ATP8B1: variants seen among roughly 807,000 people sequenced by gnomAD.
The protein encoded by ATP8B1 is ATPase phospholipid transporting 8B1.
In ATP8B1, 80 loss-of-function variants were observed where a neutral mutation model predicts 149.9. The observed-to-expected ratio is 0.53, with a 90% CI of 0.45 to 0.64. The LOEUF (loss-of-function observed/expected upper bound fraction) is 0.64. Among genes scored for constraint, ATP8B1 ranks in the 30% least tolerant of loss-of-function variants. The pLI, the probability that ATP8B1 is intolerant of heterozygous loss-of-function variation, is 0.00. For synonymous variants in ATP8B1, 536 were observed against 562.8 expected (o/e 0.95, Z 0.67); for missense variants, 1,247 against 1,552.6 (o/e 0.80, Z 3.31).
In ATP8B1 at chr18:57,697,702, A is replaced by C. The variant is rs1352588049; in HGVS notation, c.628-14T>G. On this transcript the variant is annotated splice_polypyrimidine_tract_variant and intron_variant, in intron 7 of 27. Coordinates refer to ENST00000648908, the MANE Select transcript of ATP8B1 (RefSeq NM_001374385.1). ...GAGAATGTCAGCCTGTCCAAAACAAAACACACAAATAACACCGAGACCCTG... is the reference window on the plus strand; with the variant it reads ...GAGAATGTCAGCCTGTCCAAAACAACACACACAAATAACACCGAGACCCTG... 3 of 1,614,122 alleles carry C rather than the reference A, an allele frequency of 1.9e-6. No homozygotes were observed. Among genetic ancestry groups the C allele is most frequent in the Non-Finnish European group, 1.7e-6 (2 of 1,179,994 alleles).
Position 57,671,618 on chromosome 18 carries a change from G to T in ATP8B1, c.1820-38C>A, listed in dbSNP as rs748065261. ...GAAGGAAATAAACACAACAAAGTTT[G>T]ATTTTTTATATATATATTTTTTGAG... On this transcript the variant is annotated intron_variant, in intron 16 of 27. Coordinates refer to ENST00000648908, the MANE Select transcript of ATP8B1 (RefSeq NM_001374385.1). The T allele has an allele frequency of 3.7e-5, 52 of 1,402,120 alleles. No individual in the cohort carries two copies. The Middle Eastern group carries it at 5.3e-4, about 14-fold the overall frequency. The allele number at this position is 1,402,120 out of a possible 1,614,324, so 86.9% of individuals were successfully genotyped here.
At chr18:57,670,809 C>T (rs1200991436) in intron 17 of ATP8B1, among the ~76,000 whole-genome samples, 2 of 152,092 alleles carry the variant, frequency 1.3e-5, no homozygotes, top group African/African-American at 2.4e-5. Context: ...GGGGTTCAAG[C>T]GATTCTCCTG....
chr18:57,768,586 C>CAAAAAAA lies in ATP8B1; in HGVS notation c.-26+34405_-26+34411dup, dbSNP rs5825235. 5.2e-5 allele frequency among the ~76,000 whole-genome samples: 5 copies of CAAAAAAA among 96,988 alleles called. 2 individuals are homozygous for CAAAAAAA. The highest frequency in any genetic ancestry group is 9.9e-5 in the Non-Finnish European group (5 of 50,586). The allele number at this position is 96,988 out of a possible 152,430, so 63.6% of individuals were successfully genotyped here. ...AAGGCCATTTTTACTGTTTACATGC[C>CAAAAAAA]AAAAAAAAAAAAAAAAAGCTAAGCT... On this transcript the variant is annotated intron_variant, in intron 1 of 27. Transcript: ENST00000648908.
At chr18:57,735,576 G>C (rs439709) in intron 1 of ATP8B1, 148,850 of 152,468 alleles carry the variant, frequency 0.98, 72,756 homozygotes, top group East Asian at 1. Context: ...TGGGAGCTCT[G>C]GGAGCAAGGA....
intron 19 of ATP8B1, 56 bp from the exon 20 acceptor site, chr18:57,667,223 A>ATTTTG (rs1319857919): frequency 6.5e-5 from 95 of 1,461,626 alleles, no homozygotes; most frequent in Non-Finnish European, 8.3e-5. Context: ...ATTTTATTTT[A>ATTTTG]TTTTGTTTTT....
chr18:57,731,772 G>T lies in ATP8B1; in HGVS notation c.36C>A (p.Asp12Glu). 6.2e-7 allele frequency: 1 copy of T among 1,613,976 alleles called. No individual in the cohort carries two copies. The highest frequency in any genetic ancestry group is 8.5e-7 in the Non-Finnish European group (1 of 1,180,006). ...CTTCGTCATTAGGCTGAGAATCCTCGTCAAATGTCGTTTCTGAGTCTCTTT... is the reference window on the plus strand; with the variant it reads ...CTTCGTCATTAGGCTGAGAATCCTCTTCAAATGTCGTTTCTGAGTCTCTTT... ...STERDSETTFDEDSQPNDEVV... is the reference protein window; with the variant it reads ...STERDSETTFEEDSQPNDEVV... Residue 12 changes from aspartate (D) to glutamate (E), a missense_variant, in exon 2 of 28, where the codon GAC becomes GAA. Coordinates refer to ENST00000648908, the MANE Select transcript of ATP8B1 (RefSeq NM_001374385.1).
chr18:57,698,695 T>G (rs757289818), intron 6 of ATP8B1, among the ~76,000 whole-genome samples: 4 of 152,224 alleles, frequency 2.6e-5, no homozygotes, highest in Non-Finnish European at 5.9e-5. Flanking sequence ...TTTAAGGCCC[T>G]GAGGCTACAC....
At chr18:57,742,496 C>T (rs1050579144) in intron 1 of ATP8B1, among the ~76,000 whole-genome samples, 10 of 151,508 alleles carry the variant, frequency 6.6e-5, no homozygotes, top group Non-Finnish European at 1.3e-4. Flanking sequence ...AGCTTCACCC[C>T]CTATTCCTCA....
chr18:57,648,664 G>A lies in ATP8B1; in HGVS notation c.3580C>T (p.Arg1194Trp), dbSNP rs753385239. The change falls in exon 28 of 28, where the codon CGG (arginine) becomes TGG (tryptophan). Residue 1194 changes from arginine to tryptophan, a missense_variant. Around this residue, in one of 3 missense-constraint regions of ATP8B1, gnomAD observed 164 missense variants for 160.3 expected, o/e 1.02. Transcript: ENST00000648908. The stretch of plus-strand genomic sequence containing the variant: ...ACGCCCCGGCGGAACACCTGCTGCC[G>A]TCGCTGCCACTGCTCCTCCGCCTTC... ...RLKAEEQWQR[R>W]QQVFRRGVST... 2 of 1,575,292 alleles carry A rather than the reference G, an allele frequency of 1.3e-6. No homozygotes were observed. The highest frequency in any genetic ancestry group is 1.7e-6 in the Non-Finnish European group (2 of 1,161,788).
chr18:57,712,641 G>A (rs1913743097), intron 2 of ATP8B1, among the ~76,000 whole-genome samples: 1 of 152,044 alleles, frequency 6.6e-6, no homozygotes, highest in Non-Finnish European at 1.5e-5. Flanking sequence ...AGTTGACTTA[G>A]CAGGCACATG....
Position 57,802,741 on chromosome 18 carries a change from G to A in ATP8B1, c.-26+257C>T, listed in dbSNP as rs2080592868. ...CGAGATTTCCCTCCTCTAGGCAGGT[G>A]AAAACCCCACGGAACTCTCCGCAGC... is the stretch of plus-strand genomic sequence containing the variant. On this transcript the variant is annotated intron_variant, in intron 1 of 27. Coordinates refer to ENST00000648908, the MANE Select transcript of ATP8B1 (RefSeq NM_001374385.1). This position sits in a 1 kb window ranked among gnomAD's most constrained non-coding sequence, Gnocchi z 4.9. Among the ~76,000 whole-genome samples, 1 of 152,190 alleles carries A rather than the reference G, an allele frequency of 6.6e-6. No individual in the cohort carries two copies.
At chr18:57,780,100 A>G (rs2123412213) in intron 1 of ATP8B1, among the ~76,000 whole-genome samples, 1 of 152,234 alleles carries the variant, frequency 6.6e-6, no homozygotes. Flanking sequence ...ATGAATCTCA[A>G]ATTTCACAAA....
At chr18:57,656,960 A>T (rs1181706521) in intron 22 of ATP8B1, among the ~76,000 whole-genome samples, 1 of 151,990 alleles carries the variant, frequency 6.6e-6, no homozygotes, top group East Asian at 1.9e-4. Flanking sequence ...CTTGGACAAC[A>T]GGAGGTGTTT....
chr18:57,679,501 A>G (rs1911816776), intron 15 of ATP8B1, among the ~76,000 whole-genome samples: 1 of 152,182 alleles, frequency 6.6e-6, no homozygotes, highest in Non-Finnish European at 1.5e-5. Flanking sequence ...TTTCTTTCAC[A>G]CACTAATTTG....
rs1568044060 is a variant in ATP8B1 at position 57,732,179 on chromosome 18, G to GTATATA, written c.-25-348_-25-347insTATATA. Among the ~76,000 whole-genome samples the GTATATA allele has an allele frequency of 8.9e-5, 4 of 44,860 alleles. No individual in the cohort carries two copies. The East Asian group carries it at 2.0e-3, about 22-fold the overall frequency. 29.4% of individuals were successfully genotyped at this position (44,860 alleles called of 152,430 possible). ...TATATATATGTATATATGTATATAT[G>GTATATA]TGTATATATGTATATATGTGTATAT... is the stretch of plus-strand genomic sequence containing the variant. On this transcript the variant is annotated intron_variant, in intron 1 of 27. Transcript: ENST00000648908.
Position 57,655,278 on chromosome 18 carries a change from C to T in ATP8B1, c.2847G>A (p.Lys949=), listed in dbSNP as rs1909916781. The T allele has an allele frequency of 1.2e-6, 2 of 1,614,196 alleles. No homozygotes were observed. Among genetic ancestry groups the T allele is most frequent in the Non-Finnish European group, 1.7e-6 (2 of 1,180,020 alleles). The change falls in exon 23 of 28, where the codon AAG becomes AAA. Residue 949 remains lysine, a synonymous_variant. Transcript: ENST00000648908. ...TTTTGTAAAAGAAGTATCGTAGGAA[C>T]TTGCACATCCTTATGTAAGACCATC... ...HGRWSYIRMC[K]FLRYFFYKNF... is the part of the protein sequence containing the mutation.
intron 1 of ATP8B1, among the ~76,000 whole-genome samples, chr18:57,748,563 A>G (rs536629187): frequency 6.6e-6 from 1 of 152,340 alleles, no homozygotes; most frequent in South Asian, 2.1e-4. Flanking sequence ...TTGAATGTGT[A>G]GCTTTAACAT....
intron 1 of ATP8B1, among the ~76,000 whole-genome samples, chr18:57,800,824 T>A (rs913531284): frequency 1.2e-4 from 19 of 152,092 alleles, no homozygotes; most frequent in African/African-American, 4.6e-4. Flanking sequence ...TTTCCACTAC[T>A]CCTTGCTTCA....
At chr18:57,730,443 G>A (rs2079750867) in intron 2 of ATP8B1, among the ~76,000 whole-genome samples, 1 of 152,186 alleles carries the variant, frequency 6.6e-6, no homozygotes, top group South Asian at 2.1e-4. Context: ...AGAATTTTAG[G>A]GAACACCATG....
Sources: allele counts gnomAD v4.1 joint callset (sites outside exome capture counted in the v4.1 genomes callset), GRCh38; gene constraint gnomAD v4.1.1; regional missense constraint gnomAD v4.1.1; non-coding constraint Gnocchi (gnomAD v3.1); transcripts MANE v1.5; gene names NCBI Gene and HGNC (gene_info 2026-07-23, HGNC 2026-07-21).